MSRA: variants seen among roughly 807,000 people sequenced by gnomAD.
The protein encoded by MSRA is mitochondrial peptide methionine sulfoxide reductase.
Under a neutral mutation model 31.3 loss-of-function variants are expected in MSRA, and 54 were observed. The ratio of observed to expected loss-of-function variants is 1.73; its 90% confidence interval spans 1.39 to 2.17. The LOEUF is 2.17. Among genes scored for constraint, MSRA ranks in the 30% most tolerant of loss-of-function variants. MSRA has a pLI of 0.00. For missense variants in MSRA, 507 were observed against 300.9 expected, an observed-to-expected ratio of 1.69 and a Z score of -5.07; for synonymous variants, 169 against 116.5, an observed-to-expected ratio of 1.45 and a Z score of -2.90.
At chr8:10,264,029 C>A (rs1798615597) in intron 3 of MSRA, among the ~76,000 whole-genome samples, 1 of 152,216 alleles carries the variant, frequency 6.6e-6, no homozygotes, top group African/African-American at 2.4e-5. Context: ...TGTGTGTCTA[C>A]TTGTCATGAA....
chr8:10,184,465 G>T (rs908453174), intron 1 of MSRA, among the ~76,000 whole-genome samples: 1 of 152,072 alleles, frequency 6.6e-6, no homozygotes, highest in Non-Finnish European at 1.5e-5. Flanking sequence ...TATTCTCGGT[G>T]AAAATAGCAG....
intron 3 of MSRA, among the ~76,000 whole-genome samples, chr8:10,249,032 T>G (rs1585270801): frequency 6.6e-6 from 1 of 152,240 alleles, no homozygotes; most frequent in Non-Finnish European, 1.5e-5. Flanking sequence ...AGTAGGAGGT[T>G]GGTGAGCTAG....
chr8:10,232,014 G>T (rs1811523526), intron 2 of MSRA, among the ~76,000 whole-genome samples: 1 of 152,228 alleles, frequency 6.6e-6, no homozygotes, highest in Non-Finnish European at 1.5e-5. Flanking sequence ...TGAACAGTCA[G>T]CAGCTGTGAC....
intron 1 of MSRA, among the ~76,000 whole-genome samples, chr8:10,061,229 C>G (rs1044088276): frequency 6.6e-6 from 1 of 152,192 alleles, no homozygotes; most frequent in African/African-American, 2.4e-5. Flanking sequence ...CTCTGTATTG[C>G]TCACACGACC....
intron 3 of MSRA, among the ~76,000 whole-genome samples, chr8:10,286,359 G>C (rs1057242825): frequency 2.0e-5 from 3 of 152,146 alleles, no homozygotes; most frequent in African/African-American, 7.2e-5. Context: ...TAGTGAATAA[G>C]TCTCACGAGA....
chr8:10,082,781 T>G (rs1227593021), intron 1 of MSRA, among the ~76,000 whole-genome samples: 3 of 152,194 alleles, frequency 2.0e-5, no homozygotes, highest in African/African-American at 7.2e-5. Context: ...TGTGTTTTAT[T>G]CCACCCGCTC....
At chr8:10,255,692 A>G (rs1056939123) in intron 3 of MSRA, among the ~76,000 whole-genome samples, 3 of 151,974 alleles carry the variant, frequency 2.0e-5, no homozygotes, top group African/African-American at 4.8e-5. Context: ...GCTCTGGGGA[A>G]CAATCATCTG....
chr8:10,200,665 C>T (rs530049427), intron 1 of MSRA, among the ~76,000 whole-genome samples: 174 of 152,282 alleles, frequency 1.1e-3, no homozygotes, highest in Middle Eastern at 3.4e-3. Flanking sequence ...CATGTTTGTC[C>T]CCACGTAGCC....
chr8:10,240,830 AC>A (rs551045652), intron 2 of MSRA, among the ~76,000 whole-genome samples: 1 of 140,456 alleles, frequency 7.1e-6, no homozygotes, highest in South Asian at 2.5e-4. Flanking sequence ...TCAACACCCC[AC>A]CCCCCGCACC....
At chr8:10,318,477 G>T (rs573064636) in intron 4 of MSRA, among the ~76,000 whole-genome samples, 1 of 152,140 alleles carries the variant, frequency 6.6e-6, no homozygotes, top group Non-Finnish European at 1.5e-5. Context: ...TGACACACAC[G>T]AATTCTTTCT....
intron 1 of MSRA, among the ~76,000 whole-genome samples, chr8:10,071,591 C>T (rs1006411085): frequency 6.6e-6 from 1 of 151,060 alleles, no homozygotes; most frequent in Admixed American, 6.6e-5. Flanking sequence ...TTGCGTTGAT[C>T]CTGGAGATTT....
Position 10,218,752 on chromosome 8 carries a change from T to C in MSRA, c.211+10851T>C, listed in dbSNP as rs577316236. 1.6e-3 allele frequency among the ~76,000 whole-genome samples: 242 copies of C among 152,332 alleles called. 1 individual carries two copies. Among genetic ancestry groups the C allele is most frequent in the African/African-American group, 5.7e-3 (235 of 41,582 alleles). ...GGATAGTTGTTTAAGTCAAAAGCCA[T>C]TTAACAAGGGATAGAAACTGCCTTA... On this transcript the variant is annotated intron_variant, in intron 2 of 5. Transcript: ENST00000317173.
intron 3 of MSRA, among the ~76,000 whole-genome samples, chr8:10,283,323 C>G (rs1204783425): frequency 6.6e-6 from 1 of 152,104 alleles, no homozygotes; most frequent in African/African-American, 2.4e-5. Flanking sequence ...GCCTTCAGAA[C>G]CCTCTTCATA....
At chr8:10,139,921 G>C (rs1041578125) in intron 1 of MSRA, among the ~76,000 whole-genome samples, 1 of 152,188 alleles carries the variant, frequency 6.6e-6, no homozygotes, top group South Asian at 2.1e-4. Flanking sequence ...GTGTAGGGGA[G>C]AGAAGATTTC....
chr8:10,157,938 A>G (rs1355579281), intron 1 of MSRA, among the ~76,000 whole-genome samples: 1 of 152,218 alleles, frequency 6.6e-6, no homozygotes, highest in East Asian at 1.9e-4. Flanking sequence ...CCATTGGGCT[A>G]CTATAACAGA....
intron 1 of MSRA, among the ~76,000 whole-genome samples, chr8:10,183,974 CAGTAGTGTTGCT>C (rs1322080477): frequency 1.2e-5 from 1 of 84,424 alleles, no homozygotes; most frequent in Non-Finnish European, 2.4e-5. Context: ...ATGGTGTTGA[CAGTAGTGTTGCT>C]GGTTTTCTTG....
chr8:10,294,632 G>A (rs1289927002), intron 3 of MSRA, among the ~76,000 whole-genome samples: 1 of 152,200 alleles, frequency 6.6e-6, no homozygotes. Context: ...TAGGTATCCT[G>A]CTGACTGCAA....
intron 3 of MSRA, among the ~76,000 whole-genome samples, chr8:10,281,979 C>T (rs923471014): frequency 1.3e-5 from 2 of 152,110 alleles, no homozygotes; most frequent in African/African-American, 2.4e-5. Context: ...AGTGTTCTTT[C>T]GAAGGTGGAG....
intron 2 of MSRA, among the ~76,000 whole-genome samples, chr8:10,209,201 C>T (rs1353480562): frequency 6.6e-6 from 1 of 152,238 alleles, no homozygotes; most frequent in East Asian, 1.9e-4. Context: ...GCTAACTTTC[C>T]TGTCCCAGCA....
Sources: gnomAD v4.1 joint callset for allele counts (sites outside exome capture counted in the v4.1 genomes callset) on GRCh38, gnomAD v4.1.1 for gene constraint, MANE v1.5 for transcripts, NCBI Gene and HGNC (gene_info 2026-07-23, HGNC 2026-07-21) for gene names.